MROH9: variants seen among roughly 807,000 people sequenced by gnomAD.
The protein encoded by MROH9 is maestro heat-like repeat-containing protein family member 9.
In MROH9, 92 loss-of-function variants were observed where a neutral mutation model predicts 98.2. The ratio of observed to expected loss-of-function variants is 0.94; its 90% confidence interval spans 0.79 to 1.11. MROH9 has a LOEUF of 1.11. Ranked by LOEUF, MROH9 falls within the 50% of genes most tolerant of loss-of-function variation. MROH9 has a pLI of 0.00. For missense variants in MROH9, 1,057 were observed against 1,014.8 expected (o/e 1.04, Z -0.57); for synonymous variants, 397 against 368.9 (o/e 1.08, Z -0.87).
intron 16 of MROH9, 138 bp from the exon 17 acceptor site, chr1:171,016,025 G>T (rs1652310658): frequency 8.8e-6 from 4 of 456,486 alleles, no homozygotes; most frequent in South Asian, 2.4e-4. Flanking sequence ...CAACATTTTT[G>T]AAAATTTGAC....
At chr1:171,046,844 A>T (rs1031161587) in intron 20 of MROH9, among the ~76,000 whole-genome samples, 9 of 152,140 alleles carry the variant, frequency 5.9e-5, no homozygotes, top group Non-Finnish European at 1.2e-4. Context: ...TTCTTGTAAG[A>T]CAGGTCTGGT....
Position 170,995,518 on chromosome 1 carries a change from A to G in MROH9, c.1324A>G (p.Lys442Glu), listed in dbSNP as rs138779073. The change falls in exon 13 of 22, where the codon AAG becomes GAG. Residue 442 changes from lysine to glutamate, a missense_variant. By Grantham distance (56) the Lys-to-Glu change is moderately conservative. Coordinates refer to ENST00000367759, the MANE Select transcript of MROH9 (RefSeq NM_001163629.2). ...CAACAGTGAGCTGAAACCGATACTC[A>G]AGGACAGGGCTTTGTGAGTTAAAAC... ...FYNSELKPIL[K>E]DRALYAQDAL... The G allele has an allele frequency of 3.1e-6, 5 of 1,613,206 alleles. No individual in the cohort carries two copies. Among genetic ancestry groups the G allele is most frequent in the Non-Finnish European group, 4.2e-6 (5 of 1,179,440 alleles).
At chr1:170,994,912 T>C (rs1261657014) in intron 12 of MROH9, among the ~76,000 whole-genome samples, 5 of 151,800 alleles carry the variant, frequency 3.3e-5, no homozygotes, top group Admixed American at 2.6e-4. Flanking sequence ...TTTAAGATTA[T>C]AGCCCAGACC....
chr1:171,061,363 T>C (rs1292951998), intron 20 of MROH9, among the ~76,000 whole-genome samples: 1 of 152,126 alleles, frequency 6.6e-6, no homozygotes, highest in Non-Finnish European at 1.5e-5. Context: ...ACTAGTTATA[T>C]ACCAAACAGC....
intron 20 of MROH9, among the ~76,000 whole-genome samples, chr1:171,055,937 G>A (rs1478341731): frequency 1.3e-5 from 2 of 152,166 alleles, no homozygotes; most frequent in Non-Finnish European, 2.9e-5. Context: ...CCAGGCCAAG[G>A]GAGGTGATGA....
chr1:170,958,918 T>A (rs1046482619), intron 4 of MROH9, among the ~76,000 whole-genome samples: 1 of 152,260 alleles, frequency 6.6e-6, no homozygotes, highest in Non-Finnish European at 1.5e-5. Flanking sequence ...CATTATTATG[T>A]TTATGGAGAA....
chr1:170,948,683 G>A (rs1316954868), intron 3 of MROH9, among the ~76,000 whole-genome samples: 2 of 152,032 alleles, frequency 1.3e-5, no homozygotes, highest in Admixed American at 6.6e-5. Flanking sequence ...GTTAGAAACT[G>A]TTATAAGCTA....
chr1:170,962,786 T>G (rs1020406013), intron 6 of MROH9, among the ~76,000 whole-genome samples: 1 of 152,102 alleles, frequency 6.6e-6, no homozygotes, highest in African/African-American at 2.4e-5. Context: ...TGCAGAAGAT[T>G]GATATTGGAC....
At chr1:170,979,562 C>G (rs1650847982) in intron 8 of MROH9, among the ~76,000 whole-genome samples, 1 of 152,034 alleles carries the variant, frequency 6.6e-6, no homozygotes, top group South Asian at 2.1e-4. Context: ...AAATCTAAAA[C>G]TATAGAACTC....
intron 15 of MROH9, among the ~76,000 whole-genome samples, chr1:171,000,256 T>C (rs1050945944): frequency 6.6e-6 from 1 of 151,832 alleles, no homozygotes; most frequent in African/African-American, 2.4e-5. Flanking sequence ...GAAATCCTTG[T>C]CTAAGCCAAT....
chr1:170,946,043 T>C (rs936399338), intron 2 of MROH9, among the ~76,000 whole-genome samples: 54 of 151,236 alleles, frequency 3.6e-4, no homozygotes, highest in African/African-American at 1.2e-3. Flanking sequence ...CAGAACAAAA[T>C]AAGAATAATG....
intron 15 of MROH9, 199 bp downstream of exon 15, chr1:170,998,473 TCC>T: frequency 6.6e-7 from 1 of 1,515,314 alleles, no homozygotes. Flanking sequence ...CCTTCAGCTT[TCC>T]CCAGCAGTTG....
At chr1:171,048,456 A>G (rs1261808549) in intron 20 of MROH9, among the ~76,000 whole-genome samples, 1 of 152,164 alleles carries the variant, frequency 6.6e-6, no homozygotes, top group Middle Eastern at 3.2e-3. Context: ...GTACTGCCAG[A>G]CTACCACTGA....
At chr1:171,047,107 T>G (rs1448196585) in intron 20 of MROH9, among the ~76,000 whole-genome samples, 1 of 152,320 alleles carries the variant, frequency 6.6e-6, no homozygotes, top group South Asian at 2.1e-4. Context: ...TTCTTTATCC[T>G]TGACCTTTGG....
chr1:171,058,832 A>G (rs1653929577), intron 20 of MROH9, among the ~76,000 whole-genome samples: 1 of 152,238 alleles, frequency 6.6e-6, no homozygotes, highest in Admixed American at 6.5e-5. Flanking sequence ...TACACCTTAT[A>G]CAAAAATTAA....
chr1:171,011,888 T>C (rs973589382), intron 15 of MROH9, among the ~76,000 whole-genome samples: 1 of 152,114 alleles, frequency 6.6e-6, no homozygotes, highest in African/African-American at 2.4e-5. Context: ...TATTGTTTTT[T>C]TTGTTTCCTA....
intron 10 of MROH9, among the ~76,000 whole-genome samples, chr1:170,987,650 G>T (rs914600962): frequency 7.9e-5 from 12 of 152,108 alleles, no homozygotes; most frequent in African/African-American, 2.9e-4. Context: ...GGTGCATTTA[G>T]CTCATGTGCA....
intron 20 of MROH9, among the ~76,000 whole-genome samples, chr1:171,056,568 C>A (rs890318315): frequency 7.9e-5 from 12 of 151,434 alleles, no homozygotes; most frequent in African/African-American, 2.9e-4. Context: ...CCTGATAGTT[C>A]CAGGAGCCCA....
intron 11 of MROH9, among the ~76,000 whole-genome samples, chr1:170,991,163 T>C (rs541224368): frequency 6.6e-6 from 1 of 152,248 alleles, no homozygotes; most frequent in African/African-American, 2.4e-5. Context: ...AAAGCAGGCA[T>C]AATTTGTTAG....
Sources: gnomAD v4.1 joint callset for allele counts (sites outside exome capture counted in the v4.1 genomes callset) on GRCh38, gnomAD v4.1.1 for gene constraint, MANE v1.5 for transcripts, NCBI Gene and HGNC (gene_info 2026-07-23, HGNC 2026-07-21) for gene names.